KCNT2: variants seen among roughly 807,000 people sequenced by gnomAD.
KCNT2 encodes potassium channel subfamily T member 2.
In KCNT2, 67 loss-of-function variants were observed where a neutral mutation model predicts 153.8. The observed-to-expected ratio is 0.44, with a 90% CI of 0.36 to 0.53. KCNT2 has a LOEUF of 0.53. Among genes scored for constraint, KCNT2 ranks in the 20% least tolerant of loss-of-function variants. The pLI, the probability that KCNT2 is intolerant of heterozygous loss-of-function variation, is 0.00. For synonymous variants in KCNT2, 500 were observed against 458.8 expected (o/e 1.09, Z -1.15); for missense variants, 975 against 1,354.8 (o/e 0.72, Z 4.40).
intron 1 of KCNT2, 98 bp from the exon 2 acceptor site, chr1:196,492,439 C>A: frequency 1.1e-6 from 1 of 906,574 alleles, no homozygotes; most frequent in Non-Finnish European, 1.5e-6. Flanking sequence ...AGTTCTCTAA[C>A]TTAAAGAATA....
At chr1:196,383,662 T>G (rs527419695) in intron 13 of KCNT2, among the ~76,000 whole-genome samples, 1 of 152,332 alleles carries the variant, frequency 6.6e-6, no homozygotes, top group South Asian at 2.1e-4. Flanking sequence ...TATCTTCTAT[T>G]ATACATCATT....
intron 13 of KCNT2, among the ~76,000 whole-genome samples, chr1:196,385,612 A>G (rs982541770): frequency 2.0e-5 from 3 of 152,066 alleles, no homozygotes; most frequent in African/African-American, 7.2e-5. Context: ...CAAAAAATAC[A>G]AGAATGTACA....
intron 1 of KCNT2, among the ~76,000 whole-genome samples, chr1:196,603,202 CTCTT>C (rs1017601155): frequency 3.9e-5 from 6 of 152,136 alleles, no homozygotes; most frequent in African/African-American, 1.2e-4. Context: ...TGTCTAAACT[CTCTT>C]TCTAAAGTAA....
At chr1:196,521,608 C>T (rs956320863) in intron 1 of KCNT2, among the ~76,000 whole-genome samples, 2 of 152,152 alleles carry the variant, frequency 1.3e-5, no homozygotes, top group African/African-American at 2.4e-5. Context: ...CCATGGAATA[C>T]TACTCAGCCA....
intron 19 of KCNT2, among the ~76,000 whole-genome samples, chr1:196,320,562 A>C (rs1020480670): frequency 7.8e-4 from 119 of 151,902 alleles, no homozygotes; most frequent in African/African-American, 2.8e-3. Flanking sequence ...GAGGAGAAGA[A>C]AATTCTAGGC....
chr1:196,551,300 A>G (rs1657867032), intron 1 of KCNT2, among the ~76,000 whole-genome samples: 1 of 151,814 alleles, frequency 6.6e-6, no homozygotes, highest in African/African-American at 2.4e-5. Flanking sequence ...AACAAACATA[A>G]ATTTTATATT....
At chr1:196,329,950 CATAT>C (rs71154737) in intron 18 of KCNT2, among the ~76,000 whole-genome samples, 1,038 of 73,462 alleles carry the variant, frequency 0.014, 41 homozygotes, top group African/African-American at 0.054. Context: ...TTCCTCAAGA[CATAT>C]ATATATATAT....
At chr1:196,344,525 C>A (rs2148177944) in intron 14 of KCNT2, among the ~76,000 whole-genome samples, 1 of 152,232 alleles carries the variant, frequency 6.6e-6, no homozygotes, top group Admixed American at 6.5e-5. Context: ...TACCACATTA[C>A]TATTTAGCAA....
chr1:196,342,420 CTATATATATATATATATATA>C (rs71154738), intron 14 of KCNT2, among the ~76,000 whole-genome samples, 192 bp from the exon 15 acceptor site: 1 of 132,756 alleles, frequency 7.5e-6, no homozygotes, highest in Non-Finnish European at 1.6e-5. Context: ...ATTTTGAATA[CTATATATATATATATATATA>C]TATATATGTA....
At chr1:196,411,523 C>T (rs112493171) in intron 12 of KCNT2, among the ~76,000 whole-genome samples, 8,615 of 148,216 alleles carry the variant, frequency 0.058, 381 homozygotes, top group Non-Finnish European at 0.085. Context: ...TTCCATTTTC[C>T]ATTTATTTAT....
At chr1:196,471,038 G>A (rs10801539) in intron 5 of KCNT2, among the ~76,000 whole-genome samples, 6 of 150,764 alleles carry the variant, frequency 4.0e-5, no homozygotes, top group East Asian at 2.0e-4. Context: ...CCACCACCAC[G>A]CCCGGCTAAT....
At chr1:196,293,328 G>GA (rs202093864) in intron 22 of KCNT2, among the ~76,000 whole-genome samples, 7,401 of 151,026 alleles carry the variant, frequency 0.049, 285 homozygotes, top group Non-Finnish European at 0.072. Flanking sequence ...AATCTTAAGA[G>GA]AAAAAAACAA....
intron 26 of KCNT2, among the ~76,000 whole-genome samples, chr1:196,245,647 CA>C (rs1389694026): frequency 1.3e-5 from 2 of 152,000 alleles, no homozygotes; most frequent in Non-Finnish European, 2.9e-5. Flanking sequence ...AGAATCCTAA[CA>C]AAAAAATTAA....
chr1:196,300,907 C>G (rs1178463966), intron 22 of KCNT2, among the ~76,000 whole-genome samples: 2 of 152,004 alleles, frequency 1.3e-5, no homozygotes, highest in African/African-American at 2.4e-5. Context: ...GAATAAGAAG[C>G]CTCTCAAGAT....
chr1:196,567,240 A>G (rs996437751), intron 1 of KCNT2, among the ~76,000 whole-genome samples: 28 of 152,066 alleles, frequency 1.8e-4, no homozygotes, highest in Admixed American at 1.5e-3. Context: ...TAGACTATGT[A>G]GCATTTCTTG....
chr1:196,352,135 A>G lies in KCNT2; in HGVS notation c.1404-9907T>C, dbSNP rs1443788286. Among the ~76,000 whole-genome samples the G allele has an allele frequency of 5.3e-5, 8 of 152,090 alleles. No individual in the cohort carries two copies. In the East Asian group the frequency reaches 1.5e-3, roughly 29 times the overall value. On this transcript the variant is annotated intron_variant, in intron 14 of 27. Transcript: ENST00000294725. ...TATTTTATTGAGGATTTTTGCATCA[A>G]TGTTCATCAAGGATATTGGTCTAAA...
In KCNT2 at chr1:196,305,303, G is replaced by A. The variant is rs371248112; in HGVS notation, c.2526C>T (p.Pro842=). 55 of 1,612,398 alleles carry A rather than the reference G, an allele frequency of 3.4e-5. No individual in the cohort carries two copies. Among genetic ancestry groups the A allele is most frequent in the Admixed American group, 6.7e-5 (4 of 59,934 alleles). Residue 842 remains proline, a synonymous_variant, in exon 22 of 28, where the codon CCC becomes CCT. Coordinates refer to ENST00000294725, the MANE Select transcript of KCNT2 (RefSeq NM_198503.5). The part of the protein sequence containing the change: ...SLSIITELTH[P]ANMRFMQFRA... The stretch of plus-strand genomic sequence containing the variant: ...TGAATTGCATGAATCTCATGTTGGC[G>A]GGGTGAGTTAGCTCTGTGATAATAC...
At chr1:196,586,281 T>C (rs1342766590) in intron 1 of KCNT2, among the ~76,000 whole-genome samples, 1 of 152,066 alleles carries the variant, frequency 6.6e-6, no homozygotes, top group Non-Finnish European at 1.5e-5. Flanking sequence ...GGAAATTAAT[T>C]AATTAATATG....
intron 26 of KCNT2, among the ~76,000 whole-genome samples, chr1:196,247,889 A>G (rs1422301853): frequency 6.6e-6 from 1 of 152,162 alleles, no homozygotes; most frequent in Non-Finnish European, 1.5e-5. Context: ...AGGACAGGCC[A>G]TATGTTAGGC....
Sources: gnomAD v4.1 joint callset for allele counts (sites outside exome capture counted in the v4.1 genomes callset) on GRCh38, gnomAD v4.1.1 for gene constraint, MANE v1.5 for transcripts, NCBI Gene and HGNC (gene_info 2026-07-23, HGNC 2026-07-21) for gene names.